LRRC40: variants seen among roughly 807,000 people sequenced by gnomAD.
LRRC40 encodes the protein leucine rich repeat containing 40.
A neutral mutation model predicts 72.8 loss-of-function variants in LRRC40; 76 were observed. The observed-to-expected ratio is 1.04, with a 90% CI of 0.87 to 1.26. LRRC40 has a LOEUF of 1.26. Ranked by LOEUF, LRRC40 falls within the 50% of genes most tolerant of loss-of-function variation. The pLI is 0.00. For missense variants in LRRC40, 684 were observed against 698.9 expected, an observed-to-expected ratio of 0.98 and a Z score of 0.24; for synonymous variants, 243 against 254.2, an observed-to-expected ratio of 0.96 and a Z score of 0.42.
intron 4 of LRRC40, among the ~76,000 whole-genome samples, chr1:70,184,480 T>C (rs1668317243): frequency 6.6e-6 from 1 of 152,132 alleles, no homozygotes; most frequent in Non-Finnish European, 1.5e-5. Flanking sequence ...AGAGAATTGG[T>C]ATATGCTAAA....
At chr1:70,163,625 G>C (rs1339897145) in intron 9 of LRRC40, among the ~76,000 whole-genome samples, 1 of 152,118 alleles carries the variant, frequency 6.6e-6, no homozygotes, top group Admixed American at 6.5e-5. Context: ...CAGTCAATTA[G>C]CAATCTTAAT....
intron 9 of LRRC40, among the ~76,000 whole-genome samples, chr1:70,165,404 T>A (rs1667860296): frequency 6.6e-6 from 1 of 152,218 alleles, no homozygotes; most frequent in Non-Finnish European, 1.5e-5. Flanking sequence ...GTCTGAGGAA[T>A]CTGTGGACCA....
chr1:70,161,933 T>C (rs1667773429), intron 9 of LRRC40, among the ~76,000 whole-genome samples: 1 of 152,192 alleles, frequency 6.6e-6, no homozygotes, highest in South Asian at 2.1e-4. Flanking sequence ...GTATGGTAAG[T>C]ACAGTAATAT....
intron 9 of LRRC40, among the ~76,000 whole-genome samples, chr1:70,163,815 T>C (rs114924676): frequency 1.2e-3 from 182 of 152,286 alleles, no homozygotes; most frequent in Non-Finnish European, 2.1e-3. Flanking sequence ...ATAAAGGCAA[T>C]GTTTGCAATC....
chr1:70,161,392 A>C (rs1344417669), intron 9 of LRRC40, among the ~76,000 whole-genome samples: 1 of 151,614 alleles, frequency 6.6e-6, no homozygotes, highest in Non-Finnish European at 1.5e-5. Context: ...CCATGGAGAT[A>C]CCTTTTTAAG....
intron 4 of LRRC40, among the ~76,000 whole-genome samples, chr1:70,183,641 T>A (rs761417932): frequency 2.0e-5 from 3 of 152,040 alleles, no homozygotes; most frequent in Non-Finnish European, 4.4e-5. Flanking sequence ...AGCCTCAGCC[T>A]CCCTGACTCA....
chr1:70,180,051 G>C (rs1179304347), intron 5 of LRRC40: 1 of 149,300 alleles, frequency 6.7e-6, no homozygotes, highest in Non-Finnish European at 1.5e-5. Flanking sequence ...GCTTACAAAT[G>C]ATCAGAAAAA....
chr1:70,177,566 T>C (rs921540077), intron 6 of LRRC40, among the ~76,000 whole-genome samples: 2 of 152,190 alleles, frequency 1.3e-5, no homozygotes, highest in Non-Finnish European at 2.9e-5. Context: ...TCAAATAACA[T>C]CATGGGACTA....
chr1:70,181,139 T>C lies in LRRC40; in HGVS notation c.608A>G (p.Asn203Ser), dbSNP rs141616590. 477 of 1,600,746 alleles carry C rather than the reference T, an allele frequency of 3.0e-4. No individual in the cohort carries two copies. The African/African-American group carries it at 4.7e-3, about 16-fold the overall frequency. The change falls in exon 5 of 15, where the codon AAT becomes AGT. Residue 203 changes from asparagine (N) to serine (S), a missense_variant. By Grantham distance (46) the Asn-to-Ser change is conservative. Transcript: ENST00000370952. ...ACTCTTCAGTTCATTACTAGAAAGA[T>C]TGAGTCGCACCAGACTGGACAGAGA... ...FSSLSSLVRLNLSSNELKSLP... is the reference protein window; with the variant it reads ...FSSLSSLVRLSLSSNELKSLP...
chr1:70,147,855 A>G (rs747596335), intron 14 of LRRC40: 1 of 152,144 alleles, frequency 6.6e-6, no homozygotes, highest in Non-Finnish European at 1.5e-5. Flanking sequence ...ATATTCACTT[A>G]ATAAGCACTT....
intron 9 of LRRC40, among the ~76,000 whole-genome samples, chr1:70,168,523 C>T (rs1667936433): frequency 6.6e-6 from 1 of 152,198 alleles, no homozygotes; most frequent in East Asian, 1.9e-4. Flanking sequence ...AAAACAGTTC[C>T]TAATCTCTTC....
chr1:70,163,279 G>A (rs1667805845), intron 9 of LRRC40, among the ~76,000 whole-genome samples: 1 of 152,032 alleles, frequency 6.6e-6, no homozygotes, highest in African/African-American at 2.4e-5. Context: ...AGTAGATACG[G>A]GGTTTCATCA....
intron 1 of LRRC40, among the ~76,000 whole-genome samples, chr1:70,202,935 A>C (rs1428601845): frequency 6.6e-6 from 1 of 152,142 alleles, no homozygotes; most frequent in Non-Finnish European, 1.5e-5. Flanking sequence ...CTCTTGCCCA[A>C]GCTGGAGTGC....
chr1:70,184,973 A>G, intron 3 of LRRC40, 59 bp from the exon 4 acceptor site: 1 of 1,420,110 alleles, frequency 7.0e-7, no homozygotes, highest in African/African-American at 1.4e-5. Flanking sequence ...AATATTTATC[A>G]AAGACATTTC....
chr1:70,162,692 C>A (rs1357500205), intron 9 of LRRC40, among the ~76,000 whole-genome samples: 2 of 152,160 alleles, frequency 1.3e-5, no homozygotes, highest in African/African-American at 4.8e-5. Flanking sequence ...TTCTACTCTG[C>A]GGCAGTCATT....
intron 1 of LRRC40, among the ~76,000 whole-genome samples, chr1:70,200,624 T>C (rs1210483128): frequency 1.3e-5 from 2 of 152,218 alleles, no homozygotes; most frequent in Non-Finnish European, 2.9e-5. Context: ...CTTATGAGAC[T>C]ATGAATTGTT....
At chr1:70,159,504 A>G in intron 9 of LRRC40, 66 bp from the exon 10 acceptor site, 1 of 718,378 alleles carries the variant, frequency 1.4e-6, no homozygotes. Flanking sequence ...AATTCTTGAT[A>G]ATATATTAAA....
Position 70,173,511 on chromosome 1 carries a change from C to G in LRRC40, c.1066-1G>C, listed in dbSNP as rs748951084. The G allele has an allele frequency of 8.1e-6, 13 of 1,607,284 alleles. No homozygotes were observed. Among genetic ancestry groups the G allele is most frequent in the Non-Finnish European group, 1.1e-5 (13 of 1,174,446 alleles). On this transcript the variant is annotated splice_acceptor_variant, in intron 8 of 14. Transcript: ENST00000370952. LOFTEE classifies it high-confidence loss of function. ...ATTTTAGGACTTCTTGTGTTCCTTT[C>G]TAGAAGGGTGGAGACAAAGACATTC...
intron 1 of LRRC40, among the ~76,000 whole-genome samples, chr1:70,197,593 C>CTT (rs78897360): frequency 0.095 from 13,034 of 136,960 alleles, 669 homozygotes; most frequent in East Asian, 0.21. Context: ...CAACCCCCGG[C>CTT]TTTTTTTTTT....
Sources: gnomAD v4.1 joint callset for allele counts (sites outside exome capture counted in the v4.1 genomes callset) on GRCh38, gnomAD v4.1.1 for gene constraint, MANE v1.5 for transcripts, NCBI Gene and HGNC (gene_info 2026-07-23, HGNC 2026-07-21) for gene names.